Variants in NSD1 observed in about 807,000 individuals in gnomAD.
NSD1 encodes the protein histone-lysine N-methyltransferase, H3 lysine-36 specific.
Under a neutral mutation model 242.7 loss-of-function variants are expected in NSD1, and 26 were observed. That is an observed-to-expected ratio of 0.11 (90% confidence interval 0.08 to 0.15). The LOEUF (loss-of-function observed/expected upper bound fraction) is 0.15. NSD1 is among the 10% of genes least tolerant of loss of function. NSD1 has a pLI of 1.00. For missense variants in NSD1, 2,495 were observed against 3,272.8 expected (o/e 0.76, Z 5.80); for synonymous variants, 1,106 against 1,178.1 (o/e 0.94, Z 1.25).
chr5:177,154,184 C>G (rs1392828688), intron 2 of NSD1, among the ~76,000 whole-genome samples: 2 of 151,956 alleles, frequency 1.3e-5, no homozygotes, highest in Admixed American at 6.6e-5. Flanking sequence ...GCTGGCTTTT[C>G]CCGGAGTGAG....
chr5:177,294,197 T>C lies in NSD1; in HGVS notation c.6829T>C (p.Leu2277=), dbSNP rs28580074. ...TCTGGCAGGGACTTGTCAGAGGCCA[T>C]TGCTACCTGAAAGACCTCTTGAGAG... is the stretch of plus-strand genomic sequence containing the variant. ...KALAGTCQRP[L]LPERPLERTD... is the part of the protein sequence containing the mutation. Residue 2277 remains leucine, a synonymous_variant, in exon 23 of 23, where the codon TTG becomes CTG. Coordinates refer to ENST00000439151, the MANE Select transcript of NSD1 (RefSeq NM_022455.5). The C allele has an allele frequency of 0.86, 1,388,639 of 1,614,048 alleles. 602,117 individuals carry two copies. Among genetic ancestry groups the C allele is most frequent in the African/African-American group, 0.93 (69,444 of 75,016 alleles).
intron 2 of NSD1, among the ~76,000 whole-genome samples, chr5:177,179,225 T>C (rs1384154926): frequency 6.6e-6 from 1 of 151,902 alleles, no homozygotes; most frequent in African/African-American, 2.4e-5. Context: ...GTTTGTTTTG[T>C]TTTTTTTGAG....
intron 6 of NSD1, among the ~76,000 whole-genome samples, chr5:177,237,705 T>C (rs1355575901): frequency 6.6e-6 from 1 of 151,818 alleles, no homozygotes; most frequent in Non-Finnish European, 1.5e-5. Flanking sequence ...GCTAATTTTT[T>C]GCATTTTTAG....
intron 20 of NSD1, among the ~76,000 whole-genome samples, chr5:177,284,363 C>T (rs1448415144): frequency 1.3e-5 from 2 of 152,242 alleles, no homozygotes; most frequent in Admixed American, 6.5e-5. Context: ...TCACTGCAGC[C>T]TCAAACTGGG....
intron 7 of NSD1, 53 bp from the exon 8 acceptor site, chr5:177,239,703 T>C: frequency 9.1e-7 from 1 of 1,097,784 alleles, no homozygotes; most frequent in South Asian, 1.3e-5. Context: ...TTTTTAAAAA[T>C]TAACTTGTGC....
chr5:177,270,732 G>A (rs1312339969), intron 16 of NSD1, among the ~76,000 whole-genome samples: 1 of 152,196 alleles, frequency 6.6e-6, no homozygotes, highest in Non-Finnish European at 1.5e-5. Context: ...CATGGAAGAA[G>A]ATTCTAAGCA....
chr5:177,260,103 C>T lies in NSD1; in HGVS notation c.5081C>T (p.Thr1694Ile), dbSNP rs754136362. The T allele has an allele frequency of 2.5e-6, 4 of 1,614,094 alleles. No individual in the cohort carries two copies. The highest frequency in any genetic ancestry group is 3.4e-6 in the Non-Finnish European group (4 of 1,180,014). ...AGTATCATCTGCCCTAATCACTTTA[C>T]CCCTAGGCGGGGCTGCCGAAATCAT... ...SNSIICPNHF[T>I]PRRGCRNHEH... is the part of the protein sequence containing the mutation. The change falls in exon 14 of 23, where the codon ACC (threonine) becomes ATC (isoleucine). Residue 1694 changes from threonine (T) to isoleucine (I), a missense_variant. This residue lies in a region of NSD1 where 31 missense variants were observed against 120.2 expected (regional missense o/e 0.26). Transcript: ENST00000439151.
chr5:177,136,153 TA>T, intron 2 of NSD1, 123 bp downstream of exon 2: 1 of 855,134 alleles, frequency 1.2e-6, no homozygotes. Flanking sequence ...ATCCTATTGC[TA>T]ATCATAAGCT....
intron 2 of NSD1, among the ~76,000 whole-genome samples, chr5:177,169,945 G>A (rs577757494): frequency 1.1e-4 from 17 of 152,036 alleles, no homozygotes; most frequent in African/African-American, 4.1e-4. Flanking sequence ...GTTATCATGT[G>A]TTATTTTGCT....
Position 177,294,890 on chromosome 5 carries a change from T to C in NSD1, c.7522T>C (p.Cys2508Arg). 6.2e-7 allele frequency: 1 copy of C among 1,613,884 alleles called. No individual in the cohort carries two copies. Reference sequence around the variant, plus strand: ...TATGCCGAGAGCTGTTGAGAAAGGCTGTGTGTCAGATCCTCTTCAGACATC... The same window carrying C: ...TATGCCGAGAGCTGTTGAGAAAGGCCGTGTGTCAGATCCTCTTCAGACATC... ...GHMPRAVEKG[C>R]VSDPLQTSGK... is the part of the protein sequence containing the mutation. Residue 2508 changes from cysteine (C) to arginine (R), a missense_variant, in exon 23 of 23, where the codon TGT becomes CGT. Cys to Arg is a radical substitution (Grantham distance 180, BLOSUM62 -3). Around this residue, in one of 19 missense-constraint regions of NSD1, gnomAD observed 475 missense variants for 563.7 expected, o/e 0.84. Transcript: ENST00000439151.
At chr5:177,276,335 T>C (rs1402504553) in intron 17 of NSD1, among the ~76,000 whole-genome samples, 1 of 151,940 alleles carries the variant, frequency 6.6e-6, no homozygotes, top group Non-Finnish European at 1.5e-5. Flanking sequence ...TTTTTTTTTT[T>C]TCCCCCTGAG....
intron 2 of NSD1, among the ~76,000 whole-genome samples, chr5:177,151,777 A>T (rs1186914845): frequency 6.6e-6 from 1 of 151,462 alleles, no homozygotes; most frequent in Non-Finnish European, 1.5e-5. Flanking sequence ...CTGCAGCCTC[A>T]ACCTCCCAGT....
intron 12 of NSD1, among the ~76,000 whole-genome samples, chr5:177,253,974 T>C (rs1453826066): frequency 6.6e-6 from 1 of 152,158 alleles, no homozygotes; most frequent in Non-Finnish European, 1.5e-5. Flanking sequence ...TGTTTTTGTT[T>C]TTCAGAGTCT....
At chr5:177,171,292 C>G (rs554884474) in intron 2 of NSD1, among the ~76,000 whole-genome samples, 17 of 151,516 alleles carry the variant, frequency 1.1e-4, no homozygotes, top group South Asian at 2.1e-4. Context: ...GGCGACAGAG[C>G]GAGACTCCGT....
At chr5:177,221,912 T>A (rs1469453038) in intron 5 of NSD1, among the ~76,000 whole-genome samples, 1 of 148,096 alleles carries the variant, frequency 6.8e-6, no homozygotes, top group Non-Finnish European at 1.5e-5. Context: ...TGGGTTTGAG[T>A]GTTTCTTCTG....
intron 2 of NSD1, among the ~76,000 whole-genome samples, chr5:177,151,640 C>A (rs970085685): frequency 6.6e-6 from 1 of 151,680 alleles, no homozygotes; most frequent in Non-Finnish European, 1.5e-5. Context: ...CTGCCCGCCT[C>A]GGCTTCCCAA....
intron 6 of NSD1, among the ~76,000 whole-genome samples, chr5:177,237,530 TC>T (rs1250010934): frequency 4.2e-5 from 6 of 144,262 alleles, no homozygotes; most frequent in Non-Finnish European, 6.0e-5. Flanking sequence ...TATTATTTTA[TC>T]TTTTTTTTTT....
intron 4 of NSD1, among the ~76,000 whole-genome samples, chr5:177,209,421 C>T (rs1270077959): frequency 6.7e-6 from 1 of 150,298 alleles, no homozygotes; most frequent in Non-Finnish European, 1.5e-5. Flanking sequence ...CCCAGCTACT[C>T]GGGAGGCTGA....
intron 4 of NSD1, 27 bp downstream of exon 4, chr5:177,204,319 GA>G: frequency 6.2e-7 from 1 of 1,601,276 alleles, no homozygotes; most frequent in South Asian, 1.1e-5. Context: ...GCTTTTTATT[GA>G]GTGACAGAAG....
Sources: gnomAD v4.1 joint callset for allele counts (sites outside exome capture counted in the v4.1 genomes callset) on GRCh38, gnomAD v4.1.1 for gene constraint, gnomAD v4.1.1 regional missense constraint, MANE v1.5 for transcripts, NCBI Gene and HGNC (gene_info 2026-07-23, HGNC 2026-07-21) for gene names.